The following IP6K1 variants were observed in gnomAD, a reference collection of about 807,000 sequenced individuals.
IP6K1 encodes the protein inositol hexakisphosphate kinase 1.
Under a neutral mutation model 38.3 loss-of-function variants are expected in IP6K1, and 13 were observed. The ratio of observed to expected loss-of-function variants is 0.34; its 90% CI spans 0.22 to 0.54. The LOEUF (loss-of-function observed/expected upper bound fraction) is 0.54. Ranked by LOEUF, IP6K1 falls within the 20% of genes least tolerant of loss-of-function variation. The probability of loss-of-function intolerance (pLI) is 0.92; values close to 1 mark genes in which losing one functional copy is unlikely to be tolerated. For missense variants in IP6K1, 397 were observed against 599.8 expected (o/e 0.66, Z 3.53); for synonymous variants, 212 against 229.9 (o/e 0.92, Z 0.70).
chr3:49,744,350 C>T (rs946435294), intron 2 of IP6K1, among the ~76,000 whole-genome samples: 11 of 122,690 alleles, frequency 9.0e-5, no homozygotes, highest in Non-Finnish European at 1.3e-4. Context: ...TGCAGTGAGG[C>T]GAGACTGCGC....
chr3:49,745,791 T>C (rs572420210), intron 2 of IP6K1, among the ~76,000 whole-genome samples: 18 of 150,958 alleles, frequency 1.2e-4, no homozygotes, highest in South Asian at 2.1e-4. Flanking sequence ...GAGGTGGAGA[T>C]TGCAGTGAGC....
intron 3 of IP6K1, among the ~76,000 whole-genome samples, chr3:49,737,669 G>T (rs1266636151): frequency 1.3e-5 from 2 of 152,170 alleles, no homozygotes; most frequent in African/African-American, 4.8e-5. Context: ...CTAACAGCAA[G>T]ACTCCATCTC....
At chr3:49,732,662 G>A in intron 4 of IP6K1, 129 bp downstream of exon 4, 3 of 652,234 alleles carry the variant, frequency 4.6e-6, no homozygotes, top group Non-Finnish European at 7.7e-6. Context: ...AGGAAGAGGA[G>A]TCCATGAAAA....
At chr3:49,771,381 T>C (rs1328141788) in intron 1 of IP6K1, among the ~76,000 whole-genome samples, 1 of 151,708 alleles carries the variant, frequency 6.6e-6, no homozygotes, top group Admixed American at 6.6e-5. Flanking sequence ...TAAAAAAAAA[T>C]GGGCAACAGA....
intron 1 of IP6K1, among the ~76,000 whole-genome samples, chr3:49,756,216 A>G (rs1193203205): frequency 2.0e-5 from 3 of 152,210 alleles, no homozygotes; most frequent in Non-Finnish European, 4.4e-5. Flanking sequence ...GGCTAAGAAC[A>G]AACAGGGAAC....
intron 1 of IP6K1, among the ~76,000 whole-genome samples, chr3:49,782,619 T>C (rs529665626): frequency 2.6e-5 from 4 of 151,906 alleles, no homozygotes; most frequent in East Asian, 1.9e-4. Flanking sequence ...CTGAGCAACA[T>C]AGTGAGACCC....
chr3:49,768,428 G>C (rs550017480), intron 1 of IP6K1, among the ~76,000 whole-genome samples: 2 of 152,260 alleles, frequency 1.3e-5, no homozygotes, highest in South Asian at 4.1e-4. Flanking sequence ...AGTGAAATAA[G>C]CCAGGCACAA....
At chr3:49,740,135 C>T (rs189156022) in intron 2 of IP6K1, among the ~76,000 whole-genome samples, 3 of 151,576 alleles carry the variant, frequency 2.0e-5, no homozygotes, top group African/African-American at 7.3e-5. Flanking sequence ...CTGAGCAACA[C>T]AGCAAGACCC....
At chr3:49,762,708 AT>A (rs1462484953) in intron 1 of IP6K1, among the ~76,000 whole-genome samples, 2 of 151,958 alleles carry the variant, frequency 1.3e-5, no homozygotes, top group South Asian at 4.2e-4. Flanking sequence ...ATCTTACATA[AT>A]TTTTTTTCAG....
chr3:49,735,285 C>CCAGT (rs1471395200), intron 3 of IP6K1, among the ~76,000 whole-genome samples: 1 of 152,090 alleles, frequency 6.6e-6, no homozygotes, highest in Non-Finnish European at 1.5e-5. Context: ...AGGCTTGAGC[C>CCAGT]CAGTATTCAA....
intron 1 of IP6K1, among the ~76,000 whole-genome samples, chr3:49,753,270 C>T (rs531983798): frequency 6.6e-6 from 1 of 152,216 alleles, no homozygotes; most frequent in East Asian, 1.9e-4. Context: ...TAGTCATTCC[C>T]TCTGCCTAAA....
At chr3:49,780,309 T>TGCACACACACACACACACACACAC (rs374570572) in intron 1 of IP6K1, among the ~76,000 whole-genome samples, 1 of 117,546 alleles carries the variant, frequency 8.5e-6, no homozygotes, top group East Asian at 3.4e-4. Context: ...TCATCTTTCA[T>TGCACACACACACACACACACACAC]ACACACACAC....
chr3:49,728,035 A>G, intron 5 of IP6K1, 68 bp downstream of exon 5: 2 of 1,490,390 alleles, frequency 1.3e-6, no homozygotes, highest in African/African-American at 2.7e-5. Flanking sequence ...CATAGATGGC[A>G]GGCAGGTATG....
Position 49,748,070 on chromosome 3 carries a change from C to A in IP6K1, c.-30G>T. 6.2e-7 allele frequency: 1 copy of A among 1,611,358 alleles called. No individual in the cohort carries two copies. Among genetic ancestry groups the A allele is most frequent in the Non-Finnish European group, 8.5e-7 (1 of 1,179,320 alleles). On this transcript the variant is annotated 5_prime_UTR_variant, in exon 2 of 6. Coordinates refer to ENST00000321599, the MANE Select transcript of IP6K1 (RefSeq NM_153273.4). Reference sequence around the variant, plus strand: ...TTGGGGGCCAGTTGCACACTGAGGGCAGAGGATGCAGCACATGGGCCACAA... The same window carrying A: ...TTGGGGGCCAGTTGCACACTGAGGGAAGAGGATGCAGCACATGGGCCACAA...
rs996654621 is a variant in IP6K1 at position 49,732,921 on chromosome 3, G to C, written c.486C>G (p.Val162=). The change falls in exon 4 of 6, where the codon GTC becomes GTG. Residue 162 remains valine, a synonymous_variant. Coordinates refer to ENST00000321599, the MANE Select transcript of IP6K1 (RefSeq NM_153273.4). ...PKVELHSHSE[V]PFQMLDGNSG... ...TGTTGCCATCTAGCATCTGGAAAGG[G>C]ACCTCTGAGTGGCTGTGCAGCTCCA... 6.2e-7 allele frequency: 1 copy of C among 1,614,056 alleles called. No individual in the cohort carries two copies. Among genetic ancestry groups the C allele is most frequent in the Non-Finnish European group, 8.5e-7 (1 of 1,179,948 alleles).
chr3:49,778,029 A>T (rs2081033476), intron 1 of IP6K1, among the ~76,000 whole-genome samples: 1 of 150,948 alleles, frequency 6.6e-6, no homozygotes, highest in Non-Finnish European at 1.5e-5. Context: ...TTTTTTTTTT[A>T]AGACGGGGTC....
At chr3:49,773,348 C>T (rs931777618) in intron 1 of IP6K1, among the ~76,000 whole-genome samples, 1 of 152,142 alleles carries the variant, frequency 6.6e-6, no homozygotes, top group African/African-American at 2.4e-5. Flanking sequence ...CGGTGGCTCA[C>T]GCCTGTAATC....
At chr3:49,773,362 G>C (rs897517998) in intron 1 of IP6K1, among the ~76,000 whole-genome samples, 2 of 152,182 alleles carry the variant, frequency 1.3e-5, no homozygotes, top group African/African-American at 4.8e-5. Context: ...TGTAATCCCA[G>C]CACTTTGGGA....
At chr3:49,779,710 G>A (rs550802927) in intron 1 of IP6K1, among the ~76,000 whole-genome samples, 1 of 152,118 alleles carries the variant, frequency 6.6e-6, no homozygotes, top group African/African-American at 2.4e-5. Context: ...TTTAGAGACA[G>A]GGTCTTGCTC....
Sources: gnomAD v4.1 joint callset for allele counts (sites outside exome capture counted in the v4.1 genomes callset) on GRCh38, gnomAD v4.1.1 for gene constraint, MANE v1.5 for transcripts, NCBI Gene and HGNC (gene_info 2026-07-23, HGNC 2026-07-21) for gene names.